DOCK1: variants seen among roughly 807,000 people sequenced by gnomAD.
The protein encoded by DOCK1 is dedicator of cytokinesis protein 1.
In DOCK1, 138 loss-of-function variants were observed where a neutral mutation model predicts 262.7. That is an observed-to-expected ratio of 0.53 (90% confidence interval 0.46 to 0.61). The LOEUF is 0.61. Among genes scored for constraint, DOCK1 ranks in the 20% least tolerant of loss-of-function variants. DOCK1 has a pLI of 0.00. For missense variants in DOCK1, 1,908 were observed against 2,370.7 expected (o/e 0.80, Z 4.05); for synonymous variants, 866 against 867.4 (o/e 1.00, Z 0.03).
At chr10:127,226,397 GTCCTGTCTCTGC>G (rs1564917242) in intron 27 of DOCK1, among the ~76,000 whole-genome samples, 4 of 152,182 alleles carry the variant, frequency 2.6e-5, no homozygotes, top group Admixed American at 2.6e-4. Context: ...CGCTCATGGC[GTCCTGTCTCTGC>G]TCCTGCCTCA....
chr10:126,949,630 A>G (rs1488886601), intron 1 of DOCK1, among the ~76,000 whole-genome samples: 1 of 152,092 alleles, frequency 6.6e-6, no homozygotes, highest in Non-Finnish European at 1.5e-5. Flanking sequence ...TCTGTGCTAT[A>G]ACTATAAATT....
intron 27 of DOCK1, among the ~76,000 whole-genome samples, chr10:127,240,887 A>T (rs1232187228): frequency 6.6e-6 from 1 of 152,210 alleles, no homozygotes; most frequent in African/African-American, 2.4e-5. Flanking sequence ...TTTTCCAAGT[A>T]TGTTATTATT....
intron 27 of DOCK1, among the ~76,000 whole-genome samples, chr10:127,193,490 G>A (rs979064800): frequency 1.3e-5 from 2 of 152,142 alleles, no homozygotes; most frequent in African/African-American, 4.8e-5. Flanking sequence ...TGTATCATGA[G>A]TCTCTGAGAA....
chr10:127,036,043 T>TAAATA (rs1554870785), intron 18 of DOCK1, among the ~76,000 whole-genome samples: 1 of 147,562 alleles, frequency 6.8e-6, no homozygotes, highest in Admixed American at 6.8e-5. Context: ...AATAAATAAA[T>TAAATA]AAAAAAGAGT....
Position 127,176,107 on chromosome 10 carries a change from G to C in DOCK1, c.2847+48343G>C, listed in dbSNP as rs756270808. ...ACGCCTGTGCTCTTGGTGACGTTGGGGATGGACCTGCGTGCGGGCACTGTC... is the reference window on the plus strand; with the variant it reads ...ACGCCTGTGCTCTTGGTGACGTTGGCGATGGACCTGCGTGCGGGCACTGTC... On this transcript the variant is annotated intron_variant, in intron 27 of 51. Transcript: ENST00000623213. This position sits in a 1 kb window ranked among gnomAD's most constrained non-coding sequence, Gnocchi z 4.4. 6.2e-7 allele frequency: 1 copy of C among 1,614,026 alleles called. No individual in the cohort carries two copies. Among genetic ancestry groups the C allele is most frequent in the Non-Finnish European group, 8.5e-7 (1 of 1,180,038 alleles).
chr10:127,222,089 T>A (rs2058458081), intron 27 of DOCK1, among the ~76,000 whole-genome samples: 1 of 152,200 alleles, frequency 6.6e-6, no homozygotes, highest in South Asian at 2.1e-4. Flanking sequence ...ATCAGGGAGA[T>A]GCAGTTTTAA....
intron 1 of DOCK1, among the ~76,000 whole-genome samples, chr10:126,928,488 A>G (rs2134164155): frequency 6.6e-6 from 1 of 151,780 alleles, no homozygotes; most frequent in South Asian, 2.1e-4. Flanking sequence ...GGAGGGACAC[A>G]TGAGAACTCA....
chr10:127,419,183 A>G (rs1324402923), intron 45 of DOCK1, among the ~76,000 whole-genome samples: 1 of 152,228 alleles, frequency 6.6e-6, no homozygotes, highest in Non-Finnish European at 1.5e-5. Context: ...GCCTTTCACA[A>G]AAAAAGCTTG....
At chr10:127,168,108 C>T (rs916003316) in intron 27 of DOCK1, among the ~76,000 whole-genome samples, 7 of 152,052 alleles carry the variant, frequency 4.6e-5, no homozygotes, top group African/African-American at 1.4e-4. Flanking sequence ...AGCCTGTGCA[C>T]GCAGGTCAGG....
chr10:126,957,849 AG>A (rs2036872935), intron 1 of DOCK1, among the ~76,000 whole-genome samples: 1 of 152,222 alleles, frequency 6.6e-6, no homozygotes, highest in Admixed American at 6.5e-5. Context: ...GAGAATGGAT[AG>A]ACACATTGTG....
At chr10:127,320,178 A>G (rs1000142647) in intron 29 of DOCK1, among the ~76,000 whole-genome samples, 6 of 152,120 alleles carry the variant, frequency 3.9e-5, no homozygotes, top group Admixed American at 1.3e-4. Context: ...CCTTGCAGAC[A>G]CTGACCTTTG....
intron 29 of DOCK1, among the ~76,000 whole-genome samples, chr10:127,325,923 A>G (rs1004338047): frequency 2.0e-5 from 3 of 152,236 alleles, no homozygotes; most frequent in Non-Finnish European, 2.9e-5. Context: ...CAATAAAGCA[A>G]GTCACACAGA....
chr10:127,321,144 C>T (rs2135565064), intron 29 of DOCK1, among the ~76,000 whole-genome samples: 1 of 152,144 alleles, frequency 6.6e-6, no homozygotes, highest in South Asian at 2.1e-4. Flanking sequence ...TTCCATGACC[C>T]CGCGTCTTGC....
chr10:127,177,394 G>A (rs1467656871), intron 27 of DOCK1, among the ~76,000 whole-genome samples: 4 of 152,260 alleles, frequency 2.6e-5, no homozygotes, highest in Admixed American at 6.5e-5. Context: ...TTATTAGGCG[G>A]ATTCACAGCT....
chr10:127,088,208 A>C (rs2047312515), intron 23 of DOCK1, among the ~76,000 whole-genome samples: 1 of 152,138 alleles, frequency 6.6e-6, no homozygotes, highest in South Asian at 2.1e-4. Flanking sequence ...ACCTTTTATA[A>C]ATTGGATGTG....
chr10:127,421,292 G>A (rs934198596), intron 46 of DOCK1, among the ~76,000 whole-genome samples: 6 of 152,142 alleles, frequency 3.9e-5, no homozygotes, highest in Non-Finnish European at 8.8e-5. Context: ...ATTGGCCAAT[G>A]AGACGTCTTA....
intron 1 of DOCK1, among the ~76,000 whole-genome samples, chr10:126,945,451 G>C (rs2035320216): frequency 6.6e-6 from 1 of 151,422 alleles, no homozygotes; most frequent in South Asian, 2.1e-4. Context: ...AGGGGAGAAG[G>C]GGAAAGAGAG....
chr10:127,290,633 C>T lies in DOCK1; in HGVS notation c.3044+33204C>T, dbSNP rs372003522. Reference sequence around the variant, plus strand: ...CAACCACTAATGCCTTCTTTATCTGCGTAACTTTTTCACCGTATGAATGTT... The same window carrying T: ...CAACCACTAATGCCTTCTTTATCTGTGTAACTTTTTCACCGTATGAATGTT... On this transcript the variant is annotated intron_variant, in intron 29 of 51. Coordinates refer to ENST00000623213, the MANE Select transcript of DOCK1 (RefSeq NM_001290223.2). Among the ~76,000 whole-genome samples, 6 of 152,148 alleles carry T rather than the reference C, an allele frequency of 3.9e-5. 1 individual carries two copies. Among genetic ancestry groups the T allele is most frequent in the East Asian group, 1.9e-4 (1 of 5,200 alleles).
chr10:127,332,224 G>A (rs116502212), intron 29 of DOCK1, among the ~76,000 whole-genome samples: 2,279 of 152,284 alleles, frequency 0.015, 53 homozygotes, highest in African/African-American at 0.052. Flanking sequence ...TAGAGCAGAC[G>A]CACCCTGGGA....
Sources: gnomAD v4.1 joint callset for allele counts (sites outside exome capture counted in the v4.1 genomes callset) on GRCh38, gnomAD v4.1.1 for gene constraint, Gnocchi (gnomAD v3.1) non-coding constraint, MANE v1.5 for transcripts, NCBI Gene and HGNC (gene_info 2026-07-23, HGNC 2026-07-21) for gene names.